The following GASK1A variants were observed in gnomAD, a reference collection of about 807,000 sequenced individuals.
The protein encoded by GASK1A is Golgi-associated kinase 1A.
GASK1A carries 40 observed loss-of-function variants against 41.2 expected under a neutral mutation model. The ratio of observed to expected loss-of-function variants is 0.97; its 90% confidence interval spans 0.75 to 1.27. The LOEUF (loss-of-function observed/expected upper bound fraction) is 1.27. Ranked by LOEUF, GASK1A falls within the 50% of genes most tolerant of loss-of-function variation. The pLI, the probability that GASK1A is intolerant of heterozygous loss-of-function variation, is 0.00. For synonymous variants in GASK1A, 316 were observed against 307.1 expected (o/e 1.03, Z -0.30); for missense variants, 678 against 745.1 (o/e 0.91, Z 1.05).
At chr3:43,010,451 G>C (rs1396102468) in intron 1 of GASK1A, among the ~76,000 whole-genome samples, 5 of 152,224 alleles carry the variant, frequency 3.3e-5, no homozygotes, top group African/African-American at 1.2e-4. Flanking sequence ...ATACAGTAGA[G>C]TGGGCTGCAA....
chr3:43,004,152 G>T (rs902582631), intron 1 of GASK1A, among the ~76,000 whole-genome samples: 3 of 152,168 alleles, frequency 2.0e-5, no homozygotes, highest in Admixed American at 6.5e-5. Context: ...AGTGAGGAAG[G>T]CCTTTTTTCT....
intron 1 of GASK1A, among the ~76,000 whole-genome samples, chr3:42,991,923 CA>C (rs2089343092): frequency 6.6e-6 from 1 of 152,216 alleles, no homozygotes; most frequent in Admixed American, 6.5e-5. Flanking sequence ...AGCCTCCCGG[CA>C]AGCCTGGCCA....
chr3:43,028,973 C>T (rs1575446084), intron 1 of GASK1A, among the ~76,000 whole-genome samples: 1 of 152,150 alleles, frequency 6.6e-6, no homozygotes, highest in African/African-American at 2.4e-5. Context: ...ATAGGCTCAC[C>T]TGCTGGCTTC....
rs146792532 is a variant in GASK1A at position 43,056,349 on chromosome 3, AG to A, written c.1692del (p.Lys564AsnfsTer21). On this transcript the variant is annotated frameshift_variant, in exon 5 of 5. Transcript: ENST00000430121. LOFTEE classifies it high-confidence loss of function. The part of the protein sequence containing the change: ...RGQVLLGHIQ[K>X]HNLTLFRDED... ...CAGGTGCTGCTGGGACACATCCAAA[AG>A]CACAACCTCACACTCTTCAGGGACG... The A allele has an allele frequency of 3.9e-4, 605 of 1,551,064 alleles. 2 individuals are homozygous for A. The African/African-American group carries it at 7.6e-3, about 20-fold the overall frequency.
In GASK1A at chr3:42,995,951, A is replaced by G. The variant is rs139293696; in HGVS notation, c.3+16306A>G. 1.0e-2 allele frequency among the ~76,000 whole-genome samples: 1,520 copies of G among 152,316 alleles called. 10 individuals carry two copies. Among genetic ancestry groups the G allele is most frequent in the Non-Finnish European group, 0.017 (1,138 of 68,030 alleles). Reference sequence around the variant, plus strand: ...CCAGAGAAAATTTCCAACAAATGACAGGGTCTCCAAAATTCCATCTGGCCT... The same window carrying G: ...CCAGAGAAAATTTCCAACAAATGACGGGGTCTCCAAAATTCCATCTGGCCT... On this transcript the variant is annotated intron_variant, in intron 1 of 4. Transcript: ENST00000430121.
intron 1 of GASK1A, among the ~76,000 whole-genome samples, chr3:43,031,247 C>T (rs972382012): frequency 2.0e-5 from 3 of 152,168 alleles, no homozygotes; most frequent in Admixed American, 2.0e-4. Context: ...CACATAAAGG[C>T]TCACAGGTAC....
At chr3:42,999,176 T>A (rs566448847) in intron 1 of GASK1A, among the ~76,000 whole-genome samples, 2 of 152,318 alleles carry the variant, frequency 1.3e-5, no homozygotes, top group Admixed American at 6.5e-5. Context: ...CTCTCTCATT[T>A]TGATGGAACT....
At chr3:43,026,310 T>C (rs1193933460) in intron 1 of GASK1A, among the ~76,000 whole-genome samples, 1 of 152,206 alleles carries the variant, frequency 6.6e-6, no homozygotes, top group African/African-American at 2.4e-5. Flanking sequence ...CCGGTTGATT[T>C]CAAATTCCAC....
chr3:43,043,728 C>A (rs1054345875), intron 2 of GASK1A, among the ~76,000 whole-genome samples: 2 of 152,184 alleles, frequency 1.3e-5, no homozygotes, highest in Non-Finnish European at 2.9e-5. Context: ...ACAAAAACTT[C>A]AGTCCACATG....
At position 43,056,173 on chromosome 3, in the gene GASK1A, C is replaced by T. The variant is rs954265008; in HGVS notation, c.1518-3C>T. On this transcript the variant is annotated splice_polypyrimidine_tract_variant and splice_region_variant and intron_variant, in intron 4 of 4. Transcript: ENST00000430121. ...TTACGGGGCTCTGGGGCCTTTGCTCCAGGTTTCCTGAGTCTGCCGTGAAGG... is the reference window on the plus strand; with the variant it reads ...TTACGGGGCTCTGGGGCCTTTGCTCTAGGTTTCCTGAGTCTGCCGTGAAGG... 6.5e-7 allele frequency: 1 copy of T among 1,547,818 alleles called. No individual in the cohort carries two copies. Among genetic ancestry groups the T allele is most frequent in the African/African-American group, 1.4e-5 (1 of 72,922 alleles).
Position 43,032,137 on chromosome 3 carries a change from C to T in GASK1A, c.4-130C>T, listed in dbSNP as rs544657712. 36 of 692,432 alleles carry T rather than the reference C, an allele frequency of 5.2e-5. No homozygotes were observed. In the South Asian group the frequency reaches 8.4e-4, roughly 16 times the overall value. 42.9% of individuals were successfully genotyped at this position (692,432 alleles called of 1,614,324 possible). A position where few individuals can be genotyped will look rare whatever the true frequency, so the allele number is the denominator to read the frequency against. On this transcript the variant is annotated intron_variant, in intron 1 of 4. Transcript: ENST00000430121. The stretch of plus-strand genomic sequence containing the variant: ...TTCTTGAAGGCAGCCAGCTGTCCCT[C>T]CACTTGGGCTGTGCTCTTCTCTTTC...
intron 2 of GASK1A, among the ~76,000 whole-genome samples, chr3:43,040,300 A>G (rs1337393872): frequency 2.6e-5 from 4 of 152,136 alleles, no homozygotes; most frequent in African/African-American, 9.7e-5. Context: ...CCATAAGTAT[A>G]TAGGTCTATT....
intron 2 of GASK1A, among the ~76,000 whole-genome samples, chr3:43,052,342 C>G (rs1458840963): frequency 6.6e-6 from 1 of 152,202 alleles, no homozygotes; most frequent in Non-Finnish European, 1.5e-5. Flanking sequence ...CAGCCCCAGC[C>G]TCCTGCTGCT....
At chr3:43,020,483 T>C (rs1165487799) in intron 1 of GASK1A, among the ~76,000 whole-genome samples, 2 of 152,034 alleles carry the variant, frequency 1.3e-5, no homozygotes, top group African/African-American at 2.4e-5. Flanking sequence ...AGCACTACAC[T>C]CTTATTAACT....
chr3:43,037,404 C>A, intron 2 of GASK1A: 2 of 945,364 alleles, frequency 2.1e-6, no homozygotes, highest in Admixed American at 1.8e-5. Flanking sequence ...CAGCCCTTGC[C>A]ACACAGAAGC....
chr3:43,040,871 A>C (rs1248590812), intron 2 of GASK1A, among the ~76,000 whole-genome samples: 9 of 60,522 alleles, frequency 1.5e-4, no homozygotes, highest in African/African-American at 2.2e-4. Flanking sequence ...TCCCAATGCT[A>C]TCCCTCCCCC....
intron 1 of GASK1A, among the ~76,000 whole-genome samples, chr3:42,996,797 C>A (rs1487605434): frequency 2.0e-5 from 3 of 152,240 alleles, no homozygotes; most frequent in Non-Finnish European, 2.9e-5. Flanking sequence ...AGGGGTGTTC[C>A]CTGTGACCAT....
Position 43,028,129 on chromosome 3 carries a change from G to A in GASK1A, c.4-4138G>A, listed in dbSNP as rs375761056. On this transcript the variant is annotated intron_variant, in intron 1 of 4. Transcript: ENST00000430121. ...GTCTGGGTTAAGATAAGGGCTTGTGGAGACCAAGGCTTTATCATGCAGTTG... is the reference window on the plus strand; with the variant it reads ...GTCTGGGTTAAGATAAGGGCTTGTGAAGACCAAGGCTTTATCATGCAGTTG... Among the ~76,000 whole-genome samples, 4 of 152,252 alleles carry A rather than the reference G, an allele frequency of 2.6e-5. No homozygotes were observed. The South Asian group carries it at 8.3e-4, about 31-fold the overall frequency.
chr3:42,985,478 A>T (rs2089303422), intron 1 of GASK1A, among the ~76,000 whole-genome samples: 1 of 152,134 alleles, frequency 6.6e-6, no homozygotes, highest in Admixed American at 6.5e-5. Context: ...AGGGCAGAAA[A>T]TAGAAAAATC....
Sources: gnomAD v4.1 joint callset for allele counts (sites outside exome capture counted in the v4.1 genomes callset) on GRCh38, gnomAD v4.1.1 for gene constraint, MANE v1.5 for transcripts, NCBI Gene and HGNC (gene_info 2026-07-23, HGNC 2026-07-21) for gene names.